The following PDLIM3 variants were observed in gnomAD, a reference collection of about 807,000 sequenced individuals.
PDLIM3 encodes PDZ and LIM domain 3.
In PDLIM3, 36 loss-of-function variants were observed where a neutral mutation model predicts 37.3. The ratio of observed to expected loss-of-function variants is 0.97; its 90% CI spans 0.74 to 1.28. PDLIM3 has a LOEUF of 1.28. Ranked by LOEUF, PDLIM3 falls within the 50% of genes most tolerant of loss-of-function variation. The probability of loss-of-function intolerance (pLI) is 0.00; values close to 1 mark genes in which losing one functional copy is unlikely to be tolerated. For synonymous variants in PDLIM3, 174 were observed against 182.4 expected (o/e 0.95, Z 0.37); for missense variants, 454 against 485.0 (o/e 0.94, Z 0.60).
rs747809053 is a variant in PDLIM3 at position 185,514,317 on chromosome 4, G to A, written c.351C>T (p.His117=). 1 of 1,614,238 alleles carries A rather than the reference G, an allele frequency of 6.2e-7. No individual in the cohort carries two copies. The highest frequency in any genetic ancestry group is 2.2e-5 in the East Asian group (1 of 44,888). Residue 117 remains histidine (H), a synonymous_variant, in exon 4 of 8, where the codon CAC becomes CAT. Coordinates refer to ENST00000284767, the MANE Select transcript of PDLIM3 (RefSeq NM_014476.6). This position sits in a 1 kb window ranked among gnomAD's most constrained non-coding sequence, Gnocchi z 4.0. ...SEPQDGNYFE[H]KHNIRPKPFV... ...AAGGTTTGGGCCGAATATTATGCTTGTGTTCAAAGTAGTTCCCGTCCTGTG... is the reference window on the plus strand; with the variant it reads ...AAGGTTTGGGCCGAATATTATGCTTATGTTCAAAGTAGTTCCCGTCCTGTG...
At position 185,535,448 on chromosome 4, in the gene PDLIM3, C is replaced by T. The variant is rs2153340656; in HGVS notation, c.-14G>A. 1.3e-6 allele frequency: 2 copies of T among 1,576,846 alleles called. No homozygotes were observed. Among genetic ancestry groups the T allele is most frequent in the Non-Finnish European group, 1.7e-6 (2 of 1,162,964 alleles). ...CGTCTGGGGCATGCCGCCTTCCTCCCGCCCACCGGGCTCTAAGTGTCCCCG... is the reference window on the plus strand; with the variant it reads ...CGTCTGGGGCATGCCGCCTTCCTCCTGCCCACCGGGCTCTAAGTGTCCCCG... On this transcript the variant is annotated 5_prime_UTR_variant, in exon 1 of 8. Coordinates refer to ENST00000284767, the MANE Select transcript of PDLIM3 (RefSeq NM_014476.6).
At chr4:185,513,264 C>A in intron 4 of PDLIM3, 1 of 985,400 alleles carries the variant, frequency 1.0e-6, no homozygotes, top group Non-Finnish European at 1.2e-6. Flanking sequence ...TCTGATATCA[C>A]AAGAATTGTC....
chr4:185,520,346 T>A (rs1020205562), intron 3 of PDLIM3, among the ~76,000 whole-genome samples: 1 of 152,174 alleles, frequency 6.6e-6, no homozygotes, highest in Non-Finnish European at 1.5e-5. Context: ...GGAGAGGATG[T>A]CAGTAAGAAT....
At position 185,504,133 on chromosome 4, in the gene PDLIM3, T is replaced by C. The variant is rs1288921344; in HGVS notation, c.905+342A>G. Among the ~76,000 whole-genome samples the C allele has an allele frequency of 1.3e-5, 2 of 152,196 alleles. No homozygotes were observed. The highest frequency in any genetic ancestry group is 4.8e-5 in the African/African-American group (2 of 41,456). On this transcript the variant is annotated intron_variant, in intron 7 of 7. Coordinates refer to ENST00000284767, the MANE Select transcript of PDLIM3 (RefSeq NM_014476.6). The surrounding 1 kb of genome is among the most constrained non-coding windows in gnomAD (Gnocchi z 4.7). ...ACTAAATGTATACACAGTTCATGTA[T>C]GCATTTACTAAACACTATACGTTAA... is the stretch of plus-strand genomic sequence containing the variant.
At chr4:185,518,418 T>C (rs761037398) in intron 3 of PDLIM3, among the ~76,000 whole-genome samples, 1 of 152,000 alleles carries the variant, frequency 6.6e-6, no homozygotes, top group Non-Finnish European at 1.5e-5. Context: ...GTATGTTTGA[T>C]TCATAGATAT....
At position 185,535,452 on chromosome 4, in the gene PDLIM3, C is replaced by T. The variant is rs778211906; in HGVS notation, c.-18G>A. 1 of 1,574,376 alleles carries T rather than the reference C, an allele frequency of 6.4e-7. No homozygotes were observed. Among genetic ancestry groups the T allele is most frequent in the Non-Finnish European group, 8.6e-7 (1 of 1,161,746 alleles). ...TGGGGCATGCCGCCTTCCTCCCGCC[C>T]ACCGGGCTCTAAGTGTCCCCGCGCA... On this transcript the variant is annotated 5_prime_UTR_variant, in exon 1 of 8. Coordinates refer to ENST00000284767, the MANE Select transcript of PDLIM3 (RefSeq NM_014476.6).
intron 1 of PDLIM3, among the ~76,000 whole-genome samples, chr4:185,529,840 C>T (rs1219527010): frequency 6.6e-6 from 1 of 152,214 alleles, no homozygotes; most frequent in Non-Finnish European, 1.5e-5. Flanking sequence ...TAGGGTCCCA[C>T]ATCCCGAGAA....
intron 7 of PDLIM3, among the ~76,000 whole-genome samples, chr4:185,502,720 A>AT (rs2095689178): frequency 6.6e-6 from 1 of 152,134 alleles, no homozygotes; most frequent in Admixed American, 6.5e-5. Flanking sequence ...TATTTTTCAG[A>AT]TTTTCAAACA....
chr4:185,507,891 A>T (rs1438163505), intron 5 of PDLIM3, among the ~76,000 whole-genome samples: 15 of 151,980 alleles, frequency 9.9e-5, no homozygotes, highest in Admixed American at 5.3e-4. Context: ...CTCCTTCCTA[A>T]TTTTTGATCC....
chr4:185,519,355 G>A (rs2095719352), intron 3 of PDLIM3, among the ~76,000 whole-genome samples: 2 of 152,112 alleles, frequency 1.3e-5, no homozygotes, highest in South Asian at 4.1e-4. Flanking sequence ...GTGCGATCTT[G>A]GCTCACTGCA....
intron 4 of PDLIM3, among the ~76,000 whole-genome samples, chr4:185,510,336 C>T (rs144471244): frequency 6.6e-5 from 10 of 152,238 alleles, no homozygotes; most frequent in African/African-American, 1.7e-4. Flanking sequence ...ACATAGTGCC[C>T]GTACTGGGTA....
At chr4:185,532,706 C>T (rs574120472) in intron 1 of PDLIM3, among the ~76,000 whole-genome samples, 51 of 152,314 alleles carry the variant, frequency 3.3e-4, no homozygotes, top group East Asian at 1.9e-4. Flanking sequence ...TGCAAAGACA[C>T]GCATTTCACT....
At chr4:185,519,679 GA>G (rs1268192005) in intron 3 of PDLIM3, among the ~76,000 whole-genome samples, 3 of 151,842 alleles carry the variant, frequency 2.0e-5, no homozygotes, top group African/African-American at 7.3e-5. Flanking sequence ...ATTCACAGGG[GA>G]AAAAAACCCC....
intron 5 of PDLIM3, among the ~76,000 whole-genome samples, chr4:185,507,563 C>G (rs1356360381): frequency 6.6e-6 from 1 of 152,102 alleles, no homozygotes; most frequent in African/African-American, 2.4e-5. Context: ...CTATTTAACA[C>G]TCTGAAGCAT....
chr4:185,512,481 G>C (rs2095708187), intron 4 of PDLIM3: 1 of 158,472 alleles, frequency 6.3e-6, no homozygotes, highest in Non-Finnish European at 1.4e-5. Context: ...TACATTAAAA[G>C]GTGTGATCTT....
In PDLIM3 at chr4:185,502,024, A is replaced by C. The variant is rs899312410; in HGVS notation, c.*270T>G. Reference sequence around the variant, plus strand: ...GCTGTAATATACATGTAAATTGTGGAGTATGACATACAAAAAATTATTGCT... The same window carrying C: ...GCTGTAATATACATGTAAATTGTGGCGTATGACATACAAAAAATTATTGCT... On this transcript the variant is annotated 3_prime_UTR_variant, in exon 8 of 8. Transcript: ENST00000284767. The C allele has an allele frequency of 3.2e-5, 16 of 496,990 alleles. No homozygotes were observed. Among genetic ancestry groups the C allele is most frequent in the African/African-American group, 2.7e-4 (14 of 51,994 alleles). 30.8% of individuals were successfully genotyped at this position (496,990 alleles called of 1,614,324 possible).
Position 185,506,618 on chromosome 4 carries a change from C to G in PDLIM3, c.697G>C (p.Val233Leu), listed in dbSNP as rs143121072. ...PTASVPPESDVYRMLHDNRNE... is the reference protein window; with the variant it reads ...PTASVPPESDLYRMLHDNRNE... ...CGATTGTCGTGGAGCATCCGGTACA[C>G]GTCCGACTCGGGGGGCACCGAGGCT... is the stretch of plus-strand genomic sequence containing the variant. Residue 233 changes from valine to leucine, a missense_variant, in exon 6 of 8, where the codon GTG becomes CTG. Val to Leu is a conservative substitution (Grantham distance 32, BLOSUM62 1). Transcript: ENST00000284767. 4.3e-4 allele frequency: 688 copies of G among 1,609,282 alleles called. No individual in the cohort carries two copies. The highest frequency in any genetic ancestry group is 8.7e-4 in the Admixed American group (52 of 60,036).
intron 1 of PDLIM3, among the ~76,000 whole-genome samples, chr4:185,532,867 T>C (rs2095747162): frequency 6.6e-6 from 1 of 152,020 alleles, no homozygotes; most frequent in Non-Finnish European, 1.5e-5. Flanking sequence ...AGAGGGACAG[T>C]AGTAGAAAAA....
At position 185,535,423 on chromosome 4, in the gene PDLIM3, C is replaced by T. The variant is rs755073576; in HGVS notation, c.12G>A (p.Thr4=). 6.3e-6 allele frequency: 10 copies of T among 1,598,394 alleles called. No homozygotes were observed. The highest frequency in any genetic ancestry group is 4.5e-5 in the South Asian group (4 of 88,342). Residue 4 remains threonine, a synonymous_variant, in exon 1 of 8, where the codon ACG becomes ACA. Coordinates refer to ENST00000284767, the MANE Select transcript of PDLIM3 (RefSeq NM_014476.6). ...AGGGCGCAGGGCCCGGGAGGATCAC[C>T]GTCTGGGGCATGCCGCCTTCCTCCC... The part of the protein sequence containing the change: MPQ[T]VILPGPAPWG...
Sources: allele counts gnomAD v4.1 joint callset (sites outside exome capture counted in the v4.1 genomes callset), GRCh38; gene constraint gnomAD v4.1.1; non-coding constraint Gnocchi (gnomAD v3.1); transcripts MANE v1.5; gene names NCBI Gene and HGNC (gene_info 2026-07-23, HGNC 2026-07-21).